GLB1: variants seen among roughly 807,000 people sequenced by gnomAD.
GLB1 encodes galactosidase beta 1.
A neutral mutation model predicts 74.0 loss-of-function variants in GLB1; 56 were observed. The observed-to-expected ratio is 0.76, with a 90% CI of 0.61 to 0.94. GLB1 has a LOEUF of 0.94. Ranked by LOEUF, GLB1 falls within the 40% of genes least tolerant of loss-of-function variation. GLB1 has a pLI of 0.00. For missense variants in GLB1, 787 were observed against 845.5 expected (o/e 0.93, Z 0.86); for synonymous variants, 323 against 323.6 (o/e 1.00, Z 0.02).
intron 10 of GLB1, among the ~76,000 whole-genome samples, chr3:33,043,387 G>A (rs1032361302): frequency 1.2e-4 from 18 of 152,116 alleles, no homozygotes; most frequent in African/African-American, 1.9e-4. Flanking sequence ...TGTGTACTAC[G>A]AGTTGTTCTT....
chr3:33,017,277 T>G (rs1214104257), intron 13 of GLB1, among the ~76,000 whole-genome samples: 1 of 152,218 alleles, frequency 6.6e-6, no homozygotes, highest in Non-Finnish European at 1.5e-5. Flanking sequence ...TGGAGTATTC[T>G]CACCTCAAAA....
the GLB1 span, among the ~76,000 whole-genome samples, chr3:32,989,897 G>A: frequency 6.6e-6 from 1 of 152,100 alleles, no homozygotes; most frequent in Non-Finnish European, 1.5e-5. Flanking sequence ...TTCTTATAAA[G>A]ACTGAATGAA....
chr3:33,077,683 C>T (rs1559414609), intron 1 of GLB1, among the ~76,000 whole-genome samples: 1 of 147,166 alleles, frequency 6.8e-6, no homozygotes, highest in Admixed American at 6.8e-5. Flanking sequence ...AAGTATATTA[C>T]TTTTTTTTTT....
chr3:32,990,975 A>AAAT, the GLB1 span, among the ~76,000 whole-genome samples: 23 of 152,070 alleles, frequency 1.5e-4, 1 homozygote, highest in African/African-American at 3.9e-4. Flanking sequence ...CTCTGTCTAA[A>AAAT]AATAATAATA....
chr3:32,975,034 A>G, the GLB1 span, among the ~76,000 whole-genome samples: 1 of 152,206 alleles, frequency 6.6e-6, no homozygotes, highest in Admixed American at 6.5e-5. Context: ...GTTTTGGAGC[A>G]TGAATTATGT....
At chr3:32,963,850 AAGCAAT>A in the GLB1 span, among the ~76,000 whole-genome samples, 1 of 152,206 alleles carries the variant, frequency 6.6e-6, no homozygotes, top group African/African-American at 2.4e-5. Context: ...TAATCTGCCA[AAGCAAT>A]AGCAATATTT....
intron 1 of GLB1, among the ~76,000 whole-genome samples, chr3:33,083,031 G>A (rs1700377154): frequency 6.6e-6 from 1 of 152,048 alleles, no homozygotes; most frequent in African/African-American, 2.4e-5. Context: ...AAAAGTTACG[G>A]ACCTAAAAAA....
intron 10 of GLB1, among the ~76,000 whole-genome samples, chr3:33,039,814 T>A (rs1228382617): frequency 6.6e-6 from 1 of 152,132 alleles, no homozygotes; most frequent in African/African-American, 2.4e-5. Flanking sequence ...AAACTATGCA[T>A]AGGCATACCA....
chr3:33,063,754 C>T (rs1699546566), intron 5 of GLB1, among the ~76,000 whole-genome samples: 1 of 152,160 alleles, frequency 6.6e-6, no homozygotes, highest in Admixed American at 6.5e-5. Context: ...AAGTTTCAGA[C>T]TTGATATCTT....
intron 4 of GLB1, among the ~76,000 whole-genome samples, chr3:33,066,494 C>T (rs953404278): frequency 2.0e-5 from 3 of 152,192 alleles, no homozygotes; most frequent in African/African-American, 2.4e-5. Flanking sequence ...GATATAGCCC[C>T]TCCACCTTGA....
the GLB1 span, among the ~76,000 whole-genome samples, chr3:32,966,932 G>A: frequency 6.6e-6 from 1 of 152,194 alleles, no homozygotes; most frequent in African/African-American, 2.4e-5. Context: ...CCCCAGCCAT[G>A]TGGAACTGTG....
chr3:32,996,899 C>A lies in GLB1; in HGVS notation c.*146G>T. Reference sequence around the variant, plus strand: ...CCCTGAAGGTGGGGCTTTGGCACTGCAGGGATGCAGGGAAACCTCAGGTGA... The same window carrying A: ...CCCTGAAGGTGGGGCTTTGGCACTGAAGGGATGCAGGGAAACCTCAGGTGA... On this transcript the variant is annotated 3_prime_UTR_variant, in exon 16 of 16. Transcript: ENST00000307363. 1 of 1,487,430 alleles carries A rather than the reference C, an allele frequency of 6.7e-7. No homozygotes were observed. Among genetic ancestry groups the A allele is most frequent in the Non-Finnish European group, 9.1e-7 (1 of 1,093,326 alleles). The allele number at this position is 1,487,430 out of a possible 1,614,324, so 92.1% of individuals were successfully genotyped here. A position where few individuals can be genotyped will look rare whatever the true frequency, so the allele number is the denominator to read the frequency against.
chr3:33,097,008 T>C lies in GLB1; in HGVS notation c.75+3A>G, dbSNP rs369627064. On this transcript the variant is annotated splice_donor_region_variant and intron_variant, in intron 1 of 15. Coordinates refer to ENST00000307363, the MANE Select transcript of GLB1 (RefSeq NM_000404.4). ...TCCCCGTACCCGGGTCCCGCAGACTTACGCGCAAGCCGCGCGTAGGGCCCA... is the reference window on the plus strand; with the variant it reads ...TCCCCGTACCCGGGTCCCGCAGACTCACGCGCAAGCCGCGCGTAGGGCCCA... 3.3e-5 allele frequency: 53 copies of C among 1,611,614 alleles called. No individual in the cohort carries two copies. The highest frequency in any genetic ancestry group is 1.7e-4 in the Middle Eastern group (1 of 6,050).
chr3:33,081,019 G>A (rs147896080), intron 1 of GLB1, among the ~76,000 whole-genome samples: 2 of 152,294 alleles, frequency 1.3e-5, no homozygotes, highest in Admixed American at 6.5e-5. Flanking sequence ...GGGAGCAGTC[G>A]GTATCTGCAC....
chr3:33,040,672 C>T (rs1273532180), intron 10 of GLB1, among the ~76,000 whole-genome samples: 1 of 152,042 alleles, frequency 6.6e-6, no homozygotes, highest in Non-Finnish European at 1.5e-5. Flanking sequence ...GTCAAAATCA[C>T]AACACACACG....
intron 1 of GLB1, among the ~76,000 whole-genome samples, chr3:33,088,759 C>T (rs1299957107): frequency 6.6e-6 from 1 of 152,132 alleles, no homozygotes; most frequent in Non-Finnish European, 1.5e-5. Flanking sequence ...ATCCCAATAG[C>T]ATTTCTTGCA....
intron 6 of GLB1, among the ~76,000 whole-genome samples, chr3:33,054,268 C>G (rs939335444): frequency 2.6e-5 from 4 of 152,158 alleles, no homozygotes; most frequent in Non-Finnish European, 5.9e-5. Context: ...CCCACACTGA[C>G]TAAGACAGGC....
the GLB1 span, among the ~76,000 whole-genome samples, chr3:32,988,845 G>T: frequency 3.4e-5 from 5 of 149,204 alleles, no homozygotes; most frequent in Non-Finnish European, 3.0e-5. Context: ...GTTTTTTCCT[G>T]TTTTTTTTTT....
intron 1 of GLB1, among the ~76,000 whole-genome samples, chr3:33,095,359 T>C (rs1559424986): frequency 6.8e-6 from 1 of 147,024 alleles, no homozygotes; most frequent in African/African-American, 2.5e-5. Flanking sequence ...CTACTAAAAA[T>C]ACAAAAAAAG....
Sources: gnomAD v4.1 joint callset for allele counts (sites outside exome capture counted in the v4.1 genomes callset) on GRCh38, gnomAD v4.1.1 for gene constraint, MANE v1.5 for transcripts, NCBI Gene and HGNC (gene_info 2026-07-23, HGNC 2026-07-21) for gene names.